Variants in COL23A1 observed in about 807,000 individuals in gnomAD.
COL23A1 encodes the protein collagen alpha-1(XXIII) chain.
A neutral mutation model predicts 99.3 loss-of-function variants in COL23A1; 97 were observed. That is an observed-to-expected ratio of 0.98 (90% confidence interval 0.83 to 1.16). The LOEUF (loss-of-function observed/expected upper bound fraction) is 1.16, where lower values mean the gene tolerates loss of function less well. Among genes scored for constraint, COL23A1 ranks in the 50% most tolerant of loss-of-function variants. The pLI is 0.00. For synonymous variants in COL23A1, 320 were observed against 308.2 expected (o/e 1.04, Z -0.40); for missense variants, 762 against 757.4 (o/e 1.01, Z -0.07).
chr5:178,345,266 G>T (rs1453304743), intron 2 of COL23A1: 4 of 707,956 alleles, frequency 5.7e-6, no homozygotes, highest in Non-Finnish European at 9.8e-6. Flanking sequence ...TAAATTTGAT[G>T]AACTCGGTGC....
intron 2 of COL23A1, among the ~76,000 whole-genome samples, chr5:178,321,480 C>CATTTTTTTTTTTTTTTTTTTTTT (rs761651933): frequency 9.2e-6 from 1 of 109,040 alleles, no homozygotes. Context: ...GTCACCTTCC[C>CATTTTTTTTTTTTTTTTTTTTTT]TTTTTTTTTT....
At chr5:178,492,474 T>C (rs918809581) in intron 2 of COL23A1, among the ~76,000 whole-genome samples, 1 of 152,256 alleles carries the variant, frequency 6.6e-6, no homozygotes, top group Non-Finnish European at 1.5e-5. Context: ...AACACCTTGA[T>C]CCTGGACTTC....
At chr5:178,572,346 G>GA (rs1163317418) in intron 1 of COL23A1, among the ~76,000 whole-genome samples, 6 of 150,962 alleles carry the variant, frequency 4.0e-5, no homozygotes, top group African/African-American at 1.2e-4. Context: ...GAGCAAAATA[G>GA]AAAAAAAAAT....
chr5:178,513,387 A>G (rs1759322848), intron 2 of COL23A1, among the ~76,000 whole-genome samples: 1 of 152,228 alleles, frequency 6.6e-6, no homozygotes, highest in South Asian at 2.1e-4. Flanking sequence ...AAGACCACAC[A>G]GCTGGAAAGC....
chr5:178,563,174 C>T (rs1429631763), intron 1 of COL23A1, among the ~76,000 whole-genome samples: 2 of 152,194 alleles, frequency 1.3e-5, no homozygotes, highest in African/African-American at 2.4e-5. Flanking sequence ...CCCTGTAAAT[C>T]GGAACCTGGC....
At chr5:178,351,454 G>A (rs1026732140) in intron 2 of COL23A1, among the ~76,000 whole-genome samples, 1 of 152,202 alleles carries the variant, frequency 6.6e-6, no homozygotes, top group African/African-American at 2.4e-5. Context: ...CAGGGAACTG[G>A]GAGCTCAGTG....
intron 2 of COL23A1, among the ~76,000 whole-genome samples, chr5:178,350,177 C>T (rs1462818490): frequency 2.6e-5 from 4 of 152,338 alleles, no homozygotes; most frequent in Non-Finnish European, 2.9e-5. Flanking sequence ...GTCCTCGGGC[C>T]GAGCACCCAT....
At chr5:178,297,116 C>T (rs1200382119) in intron 3 of COL23A1, among the ~76,000 whole-genome samples, 1 of 152,254 alleles carries the variant, frequency 6.6e-6, no homozygotes, top group Admixed American at 6.5e-5. Context: ...CCCAAGCTGC[C>T]AGCTCCCTTC....
intron 2 of COL23A1, among the ~76,000 whole-genome samples, chr5:178,426,101 T>C (rs928163189): frequency 6.6e-6 from 1 of 152,190 alleles, no homozygotes; most frequent in Admixed American, 6.5e-5. Flanking sequence ...CCGTTTAGTG[T>C]GGTCAGGAAA....
chr5:178,496,462 A>C (rs539472506), intron 2 of COL23A1, among the ~76,000 whole-genome samples: 1 of 152,380 alleles, frequency 6.6e-6, no homozygotes, highest in Admixed American at 6.5e-5. Context: ...ATGAAGCTTC[A>C]GAAGTTGTAG....
rs564637768 is a variant in COL23A1 at position 178,474,275 on chromosome 5, G to T, written c.361+86407C>A. ...CATCATTGATTTTAAGGGTTATCCC[G>T]CCTAGTTCTTCTTTCCTTGTTTTCA... On this transcript the variant is annotated intron_variant, in intron 2 of 28. Transcript: ENST00000390654. 2.0e-5 allele frequency among the ~76,000 whole-genome samples: 3 copies of T among 152,138 alleles called. No individual in the cohort carries two copies. The East Asian group carries it at 5.8e-4, about 29-fold the overall frequency.
chr5:178,493,464 C>A lies in COL23A1; in HGVS notation c.361+67218G>T, dbSNP rs77428713. On this transcript the variant is annotated intron_variant, in intron 2 of 28. Coordinates refer to ENST00000390654, the MANE Select transcript of COL23A1 (RefSeq NM_173465.4). Reference sequence around the variant, plus strand: ...ATGGTGCCTTGCAGGCCTCCATCCACGTGGGCCACCCAGCCTCATTCACAG... The same window carrying A: ...ATGGTGCCTTGCAGGCCTCCATCCAAGTGGGCCACCCAGCCTCATTCACAG... Among the ~76,000 whole-genome samples the A allele has an allele frequency of 7.0e-3, 1,064 of 152,350 alleles. 17 individuals are homozygous for A. Among genetic ancestry groups the A allele is most frequent in the African/African-American group, 0.024 (1,015 of 41,582 alleles).
intron 12 of COL23A1, among the ~76,000 whole-genome samples, chr5:178,258,394 GTTTTTTT>G (rs59750946): frequency 5.0e-4 from 54 of 109,086 alleles, no homozygotes; most frequent in African/African-American, 1.7e-3. Flanking sequence ...GATGGGAGAG[GTTTTTTT>G]TTTTTTTTTT....
intron 2 of COL23A1, among the ~76,000 whole-genome samples, chr5:178,358,741 C>A (rs72494555): frequency 1.1e-5 from 1 of 87,584 alleles, no homozygotes; most frequent in Non-Finnish European, 2.7e-5. Flanking sequence ...GTATGTGTAT[C>A]TGTGTGTGTA....
intron 2 of COL23A1, among the ~76,000 whole-genome samples, chr5:178,507,724 GT>G (rs1314161112): frequency 6.6e-6 from 1 of 152,224 alleles, no homozygotes; most frequent in Non-Finnish European, 1.5e-5. Flanking sequence ...CATAAGTAAA[GT>G]GTTGCTTCTC....
intron 2 of COL23A1, among the ~76,000 whole-genome samples, chr5:178,311,459 C>A (rs1242837238): frequency 6.6e-6 from 1 of 151,506 alleles, no homozygotes. Flanking sequence ...CAATGCGGGG[C>A]TTTAATGTAA....
At chr5:178,250,024 G>A in intron 18 of COL23A1, 37 bp downstream of exon 18, 6 of 1,610,120 alleles carry the variant, frequency 3.7e-6, no homozygotes, top group Non-Finnish European at 5.1e-6. Context: ...CCAATACCAG[G>A]CACTGGCATC....
chr5:178,526,685 C>A (rs1760329012), intron 2 of COL23A1, among the ~76,000 whole-genome samples: 1 of 151,992 alleles, frequency 6.6e-6, no homozygotes, highest in Admixed American at 6.6e-5. Context: ...TGGGGTGTTT[C>A]CACTGCTGGG....
chr5:178,241,914 G>A (rs1337529502), intron 27 of COL23A1, 128 bp downstream of exon 27: 12 of 686,992 alleles, frequency 1.7e-5, no homozygotes, highest in Admixed American at 5.3e-5. Context: ...CTGACAGTGA[G>A]GAAGGCCAGT....
Sources: allele counts gnomAD v4.1 joint callset (sites outside exome capture counted in the v4.1 genomes callset), GRCh38; gene constraint gnomAD v4.1.1; transcripts MANE v1.5; gene names NCBI Gene and HGNC (gene_info 2026-07-23, HGNC 2026-07-21).